Variants in NRG1 observed in about 807,000 individuals in gnomAD.
NRG1 encodes neuregulin 1.
In NRG1, 18 loss-of-function variants were observed where a neutral mutation model predicts 63.8. That is an observed-to-expected ratio of 0.28 (90% CI 0.19 to 0.42). The LOEUF (loss-of-function observed/expected upper bound fraction) is 0.42, where lower values mean the gene tolerates loss of function less well. Among genes scored for constraint, NRG1 ranks in the 10% least tolerant of loss-of-function variants. The probability of loss-of-function intolerance (pLI) is 1.00; values close to 1 mark genes in which losing one functional copy is unlikely to be tolerated. For synonymous variants in NRG1, 302 were observed against 301.3 expected, an observed-to-expected ratio of 1.00 and a Z score of -0.02; for missense variants, 762 against 814.7, an observed-to-expected ratio of 0.94 and a Z score of 0.79.
chr8:31,753,759 T>C (rs1816707060), intron 1 of NRG1, among the ~76,000 whole-genome samples: 1 of 152,102 alleles, frequency 6.6e-6, no homozygotes, highest in Non-Finnish European at 1.5e-5. Context: ...GTTTACTTGC[T>C]CTTCTTGCCT....
chr8:31,985,006 C>T (rs16878607), intron 1 of NRG1, among the ~76,000 whole-genome samples: 1,732 of 152,196 alleles, frequency 0.011, 33 homozygotes, highest in African/African-American at 0.04. Context: ...CCATTTGAGA[C>T]TGCAAGAAGA....
intron 1 of NRG1, among the ~76,000 whole-genome samples, chr8:32,391,277 T>G (rs1167884987): frequency 2.6e-5 from 4 of 152,040 alleles, no homozygotes; most frequent in Non-Finnish European, 5.9e-5. Context: ...ATTACAGGCA[T>G]GCACCACCAT....
chr8:31,682,643 A>G (rs945264948), intron 1 of NRG1, among the ~76,000 whole-genome samples: 1 of 152,072 alleles, frequency 6.6e-6, no homozygotes. Context: ...TTTTCAAACC[A>G]AAATGTTAAA....
rs34624230 is a variant in NRG1 at position 32,750,710 on chromosome 8, C to CAAAA, written c.692-3645_692-3642dup. On this transcript the variant is annotated intron_variant, in intron 7 of 11. Transcript: ENST00000356819. ...CTCAATGGGTTGCCCATTTCTTCCT[C>CAAAA]AAAAAAAAAAAAAAAAAAAATCAGG... 6.1e-4 allele frequency among the ~76,000 whole-genome samples: 76 copies of CAAAA among 124,326 alleles called. 1 individual carries two copies. Among genetic ancestry groups the CAAAA allele is most frequent in the East Asian group, 2.9e-3 (12 of 4,196 alleles). 81.6% of individuals were successfully genotyped at this position (124,326 alleles called of 152,430 possible).
chr8:31,886,801 TC>T (rs1830751501), intron 1 of NRG1, among the ~76,000 whole-genome samples: 2 of 152,040 alleles, frequency 1.3e-5, no homozygotes, highest in African/African-American at 4.8e-5. Context: ...CTTCTCCAAA[TC>T]TTGGAGAAGC....
intron 1 of NRG1, among the ~76,000 whole-genome samples, chr8:32,356,764 C>T (rs1806485324): frequency 6.6e-6 from 1 of 152,186 alleles, no homozygotes; most frequent in African/African-American, 2.4e-5. Context: ...CTTTGTGTCT[C>T]TGACTCAAGA....
In NRG1 at chr8:32,325,475, A is replaced by G. The variant is rs904501947; in HGVS notation, c.38-270353A>G. The stretch of plus-strand genomic sequence containing the variant: ...TGGCTCACTGCAGCCTCAAACTCTC[A>G]GGCTCAGGCCTTTCCCACCTCAGCC... On this transcript the variant is annotated intron_variant, in intron 1 of 10. Transcript: ENST00000519301. Among the ~76,000 whole-genome samples the G allele has an allele frequency of 3.9e-5, 6 of 152,300 alleles. No individual in the cohort carries two copies. In the East Asian group the frequency reaches 1.2e-3, roughly 29 times the overall value.
chr8:32,730,040 G>A (rs2129017520), intron 6 of NRG1, among the ~76,000 whole-genome samples: 1 of 152,318 alleles, frequency 6.6e-6, no homozygotes, highest in South Asian at 2.1e-4. Context: ...AAGACTTAGA[G>A]CCAGAACAGT....
chr8:31,671,549 CT>C lies in NRG1; in HGVS notation c.37+32119del, dbSNP rs1472414573. On this transcript the variant is annotated intron_variant, in intron 1 of 10. Coordinates refer to the NRG1 transcript ENST00000519301. ...TTTGGGTTTCACTCTTAGTTTCACT[CT>C]GATTAATTTGCTTAATAAATCTTCC... 7.9e-4 allele frequency among the ~76,000 whole-genome samples: 121 copies of C among 152,238 alleles called. 1 individual carries two copies. Among genetic ancestry groups the C allele is most frequent in the African/African-American group, 2.9e-3 (121 of 41,544 alleles).
At chr8:32,557,340 C>G (rs1226194986) in intron 1 of NRG1, among the ~76,000 whole-genome samples, 1 of 152,162 alleles carries the variant, frequency 6.6e-6, no homozygotes, top group Non-Finnish European at 1.5e-5. Flanking sequence ...CGTATCAAAT[C>G]TGTTTTTATA....
At chr8:32,250,176 A>G (rs1848956883) in intron 1 of NRG1, among the ~76,000 whole-genome samples, 1 of 152,112 alleles carries the variant, frequency 6.6e-6, no homozygotes, top group South Asian at 2.1e-4. Context: ...TTGAGGCTAT[A>G]TGAAATGTTT....
intron 1 of NRG1, among the ~76,000 whole-genome samples, chr8:32,423,311 T>C (rs10503914): frequency 0.1 from 15,816 of 152,236 alleles, 1,026 homozygotes; most frequent in Non-Finnish European, 0.14. Context: ...AAGGCAGCAT[T>C]TTCTCCTTTC....
chr8:32,298,150 T>C (rs1323374626), intron 1 of NRG1, among the ~76,000 whole-genome samples: 1 of 152,262 alleles, frequency 6.6e-6, no homozygotes, highest in Admixed American at 6.5e-5. Context: ...TGTTTCCACA[T>C]GTAGTTATTT....
At chr8:32,723,727 G>A (rs541633051) in intron 5 of NRG1, among the ~76,000 whole-genome samples, 16 of 139,842 alleles carry the variant, frequency 1.1e-4, no homozygotes, top group African/African-American at 4.3e-4. Flanking sequence ...AACAATTGTG[G>A]AAGGAGGTGA....
chr8:31,830,334 C>T (rs559338115), intron 1 of NRG1, among the ~76,000 whole-genome samples: 2 of 110,406 alleles, frequency 1.8e-5, no homozygotes, highest in South Asian at 4.2e-4. Flanking sequence ...TCCTTCCTTC[C>T]TTCCTTCCTT....
chr8:32,490,044 C>T (rs1826364065), intron 1 of NRG1, among the ~76,000 whole-genome samples: 1 of 152,218 alleles, frequency 6.6e-6, no homozygotes, highest in African/African-American at 2.4e-5. Flanking sequence ...TGTGGTGGCA[C>T]ATGCCTATAA....
chr8:31,853,066 T>C lies in NRG1; in HGVS notation c.37+213635T>C, dbSNP rs1827427877. ...GTGTGATGCCTCCAGCTTTGTTCTT[T>C]TGGCTCAGGATTGACTTGGCGATGC... On this transcript the variant is annotated intron_variant, in intron 1 of 10. Coordinates refer to the NRG1 transcript ENST00000519301. Among the ~76,000 whole-genome samples, 3 of 152,184 alleles carry C rather than the reference T, an allele frequency of 2.0e-5. No individual in the cohort carries two copies. The South Asian group carries it at 6.2e-4, about 32-fold the overall frequency.
intron 1 of NRG1, among the ~76,000 whole-genome samples, chr8:32,211,882 A>T (rs776320296): frequency 6.6e-6 from 1 of 152,104 alleles, no homozygotes; most frequent in Non-Finnish European, 1.5e-5. Flanking sequence ...GGATAGAAAA[A>T]TACTGTTTTC....
exon 12 of NRG1, chr8:32,765,169 CAG>C (rs1195183914): frequency 6.6e-6 from 1 of 152,030 alleles, no homozygotes; most frequent in Non-Finnish European, 1.5e-5. Context: ...GGCTTGCTAT[CAG>C]GGTAAATCTA....
Sources: allele counts gnomAD v4.1 joint callset (sites outside exome capture counted in the v4.1 genomes callset), GRCh38; gene constraint gnomAD v4.1.1; transcripts MANE v1.5; gene names NCBI Gene and HGNC (gene_info 2026-07-23, HGNC 2026-07-21).